The following GLIS3 variants were observed in gnomAD, a reference collection of about 807,000 sequenced individuals.
GLIS3 encodes GLIS family zinc finger 3, also known as zinc finger protein GLIS3.
A neutral mutation model predicts 78.6 loss-of-function variants in GLIS3; 53 were observed. The ratio of observed to expected loss-of-function variants is 0.67; its 90% confidence interval spans 0.54 to 0.85. The LOEUF is 0.85. GLIS3 is among the 40% of genes least tolerant of loss of function. The probability of loss-of-function intolerance (pLI) is 0.00; values close to 1 mark genes in which losing one functional copy is unlikely to be tolerated. For missense variants in GLIS3, 1,703 were observed against 1,231.1 expected (o/e 1.38, Z -5.74); for synonymous variants, 684 against 509.9 (o/e 1.34, Z -4.60).
At chr9:4,248,268 G>A (rs1325611811) in intron 2 of GLIS3, among the ~76,000 whole-genome samples, 1 of 151,944 alleles carries the variant, frequency 6.6e-6, no homozygotes, top group Non-Finnish European at 1.5e-5. Context: ...GCTCCAGTGT[G>A]TGATGTTCCC....
chr9:4,317,940 T>G (rs975601944), intron 2 of GLIS3, among the ~76,000 whole-genome samples: 1 of 152,312 alleles, frequency 6.6e-6, no homozygotes, highest in South Asian at 2.1e-4. Context: ...GTATGATTGA[T>G]GATAAATAAT....
intron 2 of GLIS3, among the ~76,000 whole-genome samples, chr9:4,137,634 C>G (rs1187134958): frequency 1.3e-5 from 2 of 152,086 alleles, no homozygotes; most frequent in African/African-American, 4.8e-5. Flanking sequence ...CATAAGGATG[C>G]AAAGATAAAT....
the GLIS3 span, among the ~76,000 whole-genome samples, chr9:4,469,801 G>A: frequency 6.6e-6 from 1 of 152,228 alleles, no homozygotes; most frequent in Non-Finnish European, 1.5e-5. Context: ...AGAATTGAAG[G>A]AGATAGAGAC....
intron 9 of GLIS3, among the ~76,000 whole-genome samples, chr9:3,830,605 T>TG (rs1273564082): frequency 6.6e-6 from 1 of 152,080 alleles, no homozygotes; most frequent in Non-Finnish European, 1.5e-5. Flanking sequence ...CTGGTTTTGA[T>TG]GGAAAAAAAG....
intron 4 of GLIS3, among the ~76,000 whole-genome samples, chr9:3,980,528 A>G (rs1014217102): frequency 9.9e-5 from 15 of 152,224 alleles, no homozygotes; most frequent in Non-Finnish European, 1.5e-5. Flanking sequence ...TTTGCTTCCC[A>G]GATGACCTTG....
At chr9:4,236,709 C>G (rs1462628748) in intron 2 of GLIS3, among the ~76,000 whole-genome samples, 1 of 152,152 alleles carries the variant, frequency 6.6e-6, no homozygotes, top group Admixed American at 6.5e-5. Context: ...TGAGCCCCCA[C>G]TATGTGTAAG....
the GLIS3 span, among the ~76,000 whole-genome samples, chr9:4,366,816 G>C: frequency 6.6e-6 from 1 of 152,192 alleles, no homozygotes; most frequent in Non-Finnish European, 1.5e-5. Flanking sequence ...TCTTGTCACT[G>C]GAAAATGGCC....
chr9:4,136,855 G>A (rs1194152277), intron 2 of GLIS3, among the ~76,000 whole-genome samples: 1 of 152,160 alleles, frequency 6.6e-6, no homozygotes, highest in Non-Finnish European at 1.5e-5. Context: ...GTTCAAACCT[G>A]GCTACATATT....
intron 9 of GLIS3, among the ~76,000 whole-genome samples, chr9:3,845,003 C>A (rs923194101): frequency 2.6e-5 from 4 of 152,096 alleles, no homozygotes; most frequent in Non-Finnish European, 5.9e-5. Flanking sequence ...TTAAAATGTG[C>A]AACTCAGTAA....
chr9:3,840,038 T>G (rs1563764794), intron 9 of GLIS3, among the ~76,000 whole-genome samples: 1 of 152,170 alleles, frequency 6.6e-6, no homozygotes, highest in Non-Finnish European at 1.5e-5. Context: ...ATTAACGAAT[T>G]GTGTGTCTTT....
intron 2 of GLIS3, among the ~76,000 whole-genome samples, chr9:4,269,989 G>C (rs1250506920): frequency 6.6e-6 from 1 of 152,176 alleles, no homozygotes; most frequent in Non-Finnish European, 1.5e-5. Flanking sequence ...TGTTTGTAAT[G>C]GTTCATGGGA....
intron 2 of GLIS3, among the ~76,000 whole-genome samples, chr9:4,260,809 T>C (rs1343873179): frequency 6.6e-6 from 1 of 152,084 alleles, no homozygotes; most frequent in Non-Finnish European, 1.5e-5. Flanking sequence ...ACTCAAGAAA[T>C]ACTTCTGGCT....
intron 4 of GLIS3, among the ~76,000 whole-genome samples, chr9:3,948,509 C>A (rs568441269): frequency 1.3e-5 from 2 of 152,118 alleles, no homozygotes. Flanking sequence ...ATGAAAAATA[C>A]CTTGGCTCAG....
chr9:3,830,416 G>A (rs1288278630), intron 9 of GLIS3, among the ~76,000 whole-genome samples: 1 of 152,178 alleles, frequency 6.6e-6, no homozygotes, highest in African/African-American at 2.4e-5. Flanking sequence ...AGGGAGCATT[G>A]TGGCTCTGCT....
At chr9:4,429,884 C>G in the GLIS3 span, among the ~76,000 whole-genome samples, 18 of 152,078 alleles carry the variant, frequency 1.2e-4, no homozygotes, top group Non-Finnish European at 2.1e-4. Context: ...CTTGGATAAC[C>G]TTCTAAACAC....
chr9:3,906,028 A>C (rs890854938), intron 6 of GLIS3, among the ~76,000 whole-genome samples: 1 of 152,304 alleles, frequency 6.6e-6, no homozygotes, highest in Non-Finnish European at 1.5e-5. Context: ...AAAGGCATGA[A>C]ATCTACCGAG....
chr9:3,989,819 G>A (rs1460252447), intron 4 of GLIS3, among the ~76,000 whole-genome samples: 5 of 152,142 alleles, frequency 3.3e-5, no homozygotes, highest in South Asian at 2.1e-4. Context: ...AACTGTGATG[G>A]TGAACACAAG....
At chr9:3,927,583 G>A (rs575380397) in intron 6 of GLIS3, among the ~76,000 whole-genome samples, 2 of 152,318 alleles carry the variant, frequency 1.3e-5, no homozygotes, top group South Asian at 2.1e-4. Context: ...AGAGATGGTG[G>A]TAGATATCTT....
intron 4 of GLIS3, among the ~76,000 whole-genome samples, chr9:4,110,099 G>T (rs372445775): frequency 2.0e-5 from 3 of 152,142 alleles, no homozygotes; most frequent in Non-Finnish European, 4.4e-5. Flanking sequence ...CCCGGGTAAG[G>T]TATGGTACAT....
Sources: allele counts gnomAD v4.1 joint callset (sites outside exome capture counted in the v4.1 genomes callset), GRCh38; gene constraint gnomAD v4.1.1; transcripts MANE v1.5; gene names NCBI Gene and HGNC (gene_info 2026-07-23, HGNC 2026-07-21).